TMEM232: variants seen among roughly 807,000 people sequenced by gnomAD.
TMEM232 encodes transmembrane protein 232.
Under a neutral mutation model 78.8 loss-of-function variants are expected in TMEM232, and 80 were observed. That is an observed-to-expected ratio of 1.01 (90% CI 0.85 to 1.22). The LOEUF (loss-of-function observed/expected upper bound fraction) is 1.22. Among genes scored for constraint, TMEM232 ranks in the 50% most tolerant of loss-of-function variants. The pLI, the probability that TMEM232 is intolerant of heterozygous loss-of-function variation, is 0.00. For synonymous variants in TMEM232, 297 were observed against 254.3 expected (o/e 1.17, Z -1.60); for missense variants, 881 against 742.2 (o/e 1.19, Z -2.17).
At chr5:110,643,526 C>G (rs373402935) in intron 2 of TMEM232, among the ~76,000 whole-genome samples, 1 of 151,870 alleles carries the variant, frequency 6.6e-6, no homozygotes, top group Non-Finnish European at 1.5e-5. Flanking sequence ...GGATGTACCA[C>G]AAAATTGAAG....
At chr5:110,712,105 CAAAA>C (rs61482697) in intron 1 of TMEM232, among the ~76,000 whole-genome samples, 8 of 65,410 alleles carry the variant, frequency 1.2e-4, no homozygotes, top group Non-Finnish European at 2.5e-4. Flanking sequence ...GACTCAATCT[CAAAA>C]AAAAAAAAAA....
At chr5:110,694,768 T>G (rs1261024614) in intron 1 of TMEM232, among the ~76,000 whole-genome samples, 1 of 152,086 alleles carries the variant, frequency 6.6e-6, no homozygotes, top group Non-Finnish European at 1.5e-5. Context: ...TAAATATATA[T>G]GCACCCAATA....
In TMEM232 at chr5:110,526,294, A is replaced by G. The variant is rs570643732; in HGVS notation, c.1703+2294T>C. On this transcript the variant is annotated intron_variant, in intron 12 of 13. Coordinates refer to ENST00000455884, the MANE Select transcript of TMEM232 (RefSeq NM_001039763.4). ...AATTAAAAAAAAAAGATGAGAAACA[A>G]TAAGTATTTGTAGCTCTTACCATAG... Among the ~76,000 whole-genome samples the G allele has an allele frequency of 1.0e-3, 153 of 151,880 alleles. 1 individual carries two copies. Among genetic ancestry groups the G allele is most frequent in the African/African-American group, 3.5e-3 (145 of 41,540 alleles).
intron 11 of TMEM232, among the ~76,000 whole-genome samples, chr5:110,532,090 C>T (rs148110765): frequency 2.0e-5 from 3 of 152,112 alleles, no homozygotes; most frequent in African/African-American, 7.2e-5. Flanking sequence ...TCCTCCAGAA[C>T]CTCCTCCCCC....
chr5:110,493,250 G>C (rs1480666620), intron 12 of TMEM232, among the ~76,000 whole-genome samples: 1 of 150,744 alleles, frequency 6.6e-6, no homozygotes, highest in Non-Finnish European at 1.5e-5. Context: ...TATCATAAAG[G>C]AGAAAATTTT....
intron 10 of TMEM232, among the ~76,000 whole-genome samples, chr5:110,603,595 G>A (rs1380637738): frequency 6.6e-6 from 1 of 152,148 alleles, no homozygotes; most frequent in Non-Finnish European, 1.5e-5. Context: ...GAGCTGCTAT[G>A]TAGGAAAATT....
intron 2 of TMEM232, among the ~76,000 whole-genome samples, chr5:110,412,434 C>T (rs753308947): frequency 6.6e-6 from 1 of 152,132 alleles, no homozygotes; most frequent in East Asian, 1.9e-4. Flanking sequence ...AGAGCTCCAT[C>T]ATGCCTCTAT....
chr5:110,532,761 G>A (rs1461735841), intron 11 of TMEM232, among the ~76,000 whole-genome samples: 2 of 151,842 alleles, frequency 1.3e-5, no homozygotes, highest in African/African-American at 2.4e-5. Context: ...CCCCGTCCTT[G>A]GCGACCGATC....
intron 12 of TMEM232, among the ~76,000 whole-genome samples, chr5:110,458,386 T>C (rs374097205): frequency 6.6e-5 from 10 of 152,132 alleles, no homozygotes; most frequent in African/African-American, 2.2e-4. Flanking sequence ...TAATTAACAA[T>C]CTGGCAGGGG....
chr5:110,552,232 A>G (rs891307066), intron 11 of TMEM232, among the ~76,000 whole-genome samples: 4 of 152,108 alleles, frequency 2.6e-5, no homozygotes, highest in Non-Finnish European at 5.9e-5. Flanking sequence ...AAGGAGGCAT[A>G]TTGCAATTCT....
intron 12 of TMEM232, among the ~76,000 whole-genome samples, chr5:110,496,211 G>A (rs1765623090): frequency 6.6e-6 from 1 of 151,844 alleles, no homozygotes; most frequent in African/African-American, 2.4e-5. Context: ...TGAAAGTTAG[G>A]TATACTGAAT....
downstream of TMEM232, among the ~76,000 whole-genome samples, chr5:110,414,594 T>A (rs1005572657): frequency 2.6e-5 from 4 of 152,244 alleles, no homozygotes; most frequent in South Asian, 2.1e-4. Flanking sequence ...TCTGCTGGTT[T>A]TCTTGTAGCC....
chr5:110,696,788 T>G lies in TMEM232; in HGVS notation c.-12-29424A>C, dbSNP rs895128328. Among the ~76,000 whole-genome samples, 41 of 15,312 alleles carry G rather than the reference T, an allele frequency of 2.7e-3. No individual in the cohort carries two copies. In the East Asian group the frequency reaches 0.078, roughly 29 times the overall value. The allele number at this position is 15,312 out of a possible 152,430, so 10.0% of individuals were successfully genotyped here. On this transcript the variant is annotated intron_variant, in intron 1 of 13. Coordinates refer to ENST00000455884, the MANE Select transcript of TMEM232 (RefSeq NM_001039763.4). ...AGGAGAACTACAAACCACTGCTCAA[T>G]GAAATAAGAGGATACAAAGAAATGG...
At chr5:110,474,370 T>A (rs1001029229) in intron 12 of TMEM232, among the ~76,000 whole-genome samples, 1 of 151,904 alleles carries the variant, frequency 6.6e-6, no homozygotes, top group African/African-American at 2.4e-5. Context: ...TACAGCTAAT[T>A]GTTTAATGTA....
At chr5:110,648,324 C>A (rs915419113) in intron 2 of TMEM232, among the ~76,000 whole-genome samples, 13 of 151,964 alleles carry the variant, frequency 8.6e-5, no homozygotes, top group African/African-American at 2.9e-4. Context: ...GGTAAAACCA[C>A]CAACTGGAAA....
chr5:110,579,490 A>C (rs1053352248), intron 10 of TMEM232, among the ~76,000 whole-genome samples: 1 of 151,808 alleles, frequency 6.6e-6, no homozygotes, highest in Non-Finnish European at 1.5e-5. Context: ...AAATCAATTT[A>C]AAAATATGTT....
intron 1 of TMEM232, among the ~76,000 whole-genome samples, chr5:110,701,452 C>T (rs560260443): frequency 1.3e-5 from 2 of 151,912 alleles, no homozygotes; most frequent in Admixed American, 1.3e-4. Context: ...CCCATGCTCC[C>T]AGTAAGAAAA....
chr5:110,439,553 G>C (rs1758803539), intron 12 of TMEM232, among the ~76,000 whole-genome samples: 1 of 151,840 alleles, frequency 6.6e-6, no homozygotes, highest in East Asian at 1.9e-4. Flanking sequence ...ATCCCAAGGG[G>C]CTCTGTCTCA....
chr5:110,522,737 C>T (rs946464600), intron 12 of TMEM232, among the ~76,000 whole-genome samples: 1 of 151,948 alleles, frequency 6.6e-6, no homozygotes, highest in African/African-American at 2.4e-5. Flanking sequence ...TATGTTGAAC[C>T]GTCCTCCTTG....
Sources: allele counts gnomAD v4.1 joint callset (sites outside exome capture counted in the v4.1 genomes callset), GRCh38; gene constraint gnomAD v4.1.1; transcripts MANE v1.5; gene names NCBI Gene and HGNC (gene_info 2026-07-23, HGNC 2026-07-21).